Variants in PUM1 observed in about 807,000 individuals in gnomAD.
PUM1 encodes the protein pumilio RNA binding family member 1.
Under a neutral mutation model 131.8 loss-of-function variants are expected in PUM1, and 13 were observed. That is an observed-to-expected ratio of 0.10 (90% CI 0.06 to 0.16). The LOEUF (loss-of-function observed/expected upper bound fraction) is 0.16. PUM1 is among the 10% of genes least tolerant of loss of function. The pLI is 1.00. For synonymous variants in PUM1, 509 were observed against 556.5 expected, an observed-to-expected ratio of 0.91 and a Z score of 1.20; for missense variants, 961 against 1,512.4, an observed-to-expected ratio of 0.64 and a Z score of 6.05.
intron 7 of PUM1, among the ~76,000 whole-genome samples, chr1:30,985,667 AAAG>A (rs1641527270): frequency 6.6e-6 from 1 of 151,646 alleles, no homozygotes; most frequent in South Asian, 2.1e-4. Context: ...AAAAAAAAAA[AAAG>A]AGTCAAAATC....
chr1:31,002,893 A>C (rs1409786903), intron 5 of PUM1, among the ~76,000 whole-genome samples: 2 of 152,244 alleles, frequency 1.3e-5, no homozygotes, highest in Non-Finnish European at 2.9e-5. Context: ...AATGAATTCA[A>C]GCTAGACAAA....
At chr1:30,972,854 T>A (rs988714442) in intron 10 of PUM1, among the ~76,000 whole-genome samples, 1 of 151,340 alleles carries the variant, frequency 6.6e-6, no homozygotes, top group Non-Finnish European at 1.5e-5. Context: ...CCGAGACGGG[T>A]GGATCACCTG....
chr1:31,040,877 G>A (rs1643793046), intron 2 of PUM1, among the ~76,000 whole-genome samples: 1 of 152,128 alleles, frequency 6.6e-6, no homozygotes, highest in Non-Finnish European at 1.5e-5. Flanking sequence ...ACACACACAC[G>A]AGTGCGTGAG....
chr1:30,970,599 C>G (rs567038119), intron 10 of PUM1, among the ~76,000 whole-genome samples: 1 of 152,070 alleles, frequency 6.6e-6, no homozygotes, highest in African/African-American at 2.4e-5. Flanking sequence ...ATAGAAGAGT[C>G]GGGGGGCTGT....
chr1:30,938,397 C>T (rs995131337), intron 20 of PUM1, among the ~76,000 whole-genome samples: 4 of 152,104 alleles, frequency 2.6e-5, no homozygotes, highest in Non-Finnish European at 4.4e-5. Context: ...GGACTATAGG[C>T]GTGTGCCACC....
chr1:30,988,672 C>T (rs929065319), intron 7 of PUM1, among the ~76,000 whole-genome samples: 1 of 152,142 alleles, frequency 6.6e-6, no homozygotes, highest in African/African-American at 2.4e-5. Context: ...TCAAGGCCTC[C>T]GGGACTCAAT....
At chr1:30,947,434 G>A (rs909785958) in intron 17 of PUM1, among the ~76,000 whole-genome samples, 2 of 152,186 alleles carry the variant, frequency 1.3e-5, no homozygotes, top group African/African-American at 4.8e-5. Context: ...TGAAAAGTGT[G>A]CAAACAAAGG....
intron 13 of PUM1, 144 bp from the exon 14 acceptor site, chr1:30,965,054 TAC>T: frequency 1.6e-6 from 1 of 644,706 alleles, no homozygotes; most frequent in Non-Finnish European, 2.7e-6. Context: ...AATGTAGCAG[TAC>T]TAGGGGCAGA....
chr1:31,017,157 T>C (rs1293030041), intron 3 of PUM1, among the ~76,000 whole-genome samples: 1 of 152,196 alleles, frequency 6.6e-6, no homozygotes, highest in African/African-American at 2.4e-5. Flanking sequence ...CAGCCTGCAT[T>C]AGCCACTATT....
At chr1:31,042,043 G>A (rs1335889922) in intron 2 of PUM1, among the ~76,000 whole-genome samples, 6 of 152,042 alleles carry the variant, frequency 3.9e-5, no homozygotes, top group East Asian at 1.9e-4. Flanking sequence ...AGTGGCTCAC[G>A]CCTGTAATCC....
At chr1:31,063,987 C>T (rs925753934) in intron 1 of PUM1, among the ~76,000 whole-genome samples, 5 of 152,182 alleles carry the variant, frequency 3.3e-5, no homozygotes, top group Non-Finnish European at 7.3e-5. Context: ...ATACGTGTAG[C>T]ATTTAAAATG....
chr1:31,056,609 C>CTTTTTTTTTTTTTTT lies in PUM1; in HGVS notation c.363+2580_363+2594dup, dbSNP rs57685772. 5.0e-4 allele frequency among the ~76,000 whole-genome samples: 22 copies of CTTTTTTTTTTTTTTT among 43,710 alleles called. 4 individuals are homozygous for CTTTTTTTTTTTTTTT. Among genetic ancestry groups the CTTTTTTTTTTTTTTT allele is most frequent in the Non-Finnish European group, 8.0e-4 (20 of 24,874 alleles). 28.7% of individuals were successfully genotyped at this position (43,710 alleles called of 152,430 possible). ...CAGCTGAAAACCTTCCTTTTCTTTT[C>CTTTTTTTTTTTTTTT]TTTTTTTTTTTTTTTTTTTTTTTTT... is the stretch of plus-strand genomic sequence containing the variant. On this transcript the variant is annotated intron_variant, in intron 2 of 21. Transcript: ENST00000426105.
chr1:30,945,581 G>C (rs764472386), intron 17 of PUM1, 98 bp from the exon 18 acceptor site: 4 of 1,294,616 alleles, frequency 3.1e-6, no homozygotes, highest in Non-Finnish European at 4.3e-6. Flanking sequence ...ACTGAACAGA[G>C]AATCTGTGAT....
At chr1:31,046,179 G>A (rs1031061839) in intron 2 of PUM1, among the ~76,000 whole-genome samples, 6 of 152,076 alleles carry the variant, frequency 3.9e-5, no homozygotes, top group Non-Finnish European at 7.3e-5. Context: ...CTGAGGTCGG[G>A]AGGTCGAAAC....
chr1:31,044,100 T>TTA (rs935748868), intron 2 of PUM1, among the ~76,000 whole-genome samples: 25 of 152,166 alleles, frequency 1.6e-4, no homozygotes, highest in Admixed American at 1.6e-3. Context: ...CAATGAAATA[T>TTA]TATACAAAAA....
intron 7 of PUM1, among the ~76,000 whole-genome samples, chr1:30,990,874 C>A (rs1470795118): frequency 6.6e-6 from 1 of 152,136 alleles, no homozygotes; most frequent in Non-Finnish European, 1.5e-5. Context: ...ATGGTGAGGG[C>A]ACCCTTGGTT....
At chr1:31,046,511 G>GT (rs35053733) in intron 2 of PUM1, among the ~76,000 whole-genome samples, 139 of 122,038 alleles carry the variant, frequency 1.1e-3, no homozygotes, top group Middle Eastern at 7.7e-3. Flanking sequence ...TGTTTTTTTG[G>GT]TTTTTTTTTT....
At chr1:31,017,081 T>C (rs374717930) in intron 3 of PUM1, among the ~76,000 whole-genome samples, 32 of 152,210 alleles carry the variant, frequency 2.1e-4, no homozygotes, top group Middle Eastern at 3.4e-3. Context: ...ATTGAAAAAA[T>C]AAATTTCAGT....
intron 10 of PUM1, among the ~76,000 whole-genome samples, chr1:30,971,769 T>C (rs373877721): frequency 2.6e-5 from 4 of 152,218 alleles, no homozygotes; most frequent in African/African-American, 9.6e-5. Context: ...AGAAATTACA[T>C]GTACAGCACT....
Sources: gnomAD v4.1 joint callset for allele counts (sites outside exome capture counted in the v4.1 genomes callset) on GRCh38, gnomAD v4.1.1 for gene constraint, MANE v1.5 for transcripts, NCBI Gene and HGNC (gene_info 2026-07-23, HGNC 2026-07-21) for gene names.